CNTN5: variants seen among roughly 807,000 people sequenced by gnomAD.
CNTN5 encodes the protein contactin-5.
A neutral mutation model predicts 129.1 loss-of-function variants in CNTN5; 77 were observed. The ratio of observed to expected loss-of-function variants is 0.60; its 90% CI spans 0.50 to 0.72. CNTN5 has a LOEUF of 0.72. Among genes scored for constraint, CNTN5 ranks in the 30% least tolerant of loss-of-function variants. The pLI is 0.00. For missense variants in CNTN5, 1,478 were observed against 1,328.8 expected, an observed-to-expected ratio of 1.11 and a Z score of -1.75; for synonymous variants, 509 against 465.6, an observed-to-expected ratio of 1.09 and a Z score of -1.20.
intron 2 of CNTN5, among the ~76,000 whole-genome samples, chr11:99,441,444 C>T (rs905642061): frequency 6.6e-6 from 1 of 152,136 alleles, no homozygotes; most frequent in Non-Finnish European, 1.5e-5. Flanking sequence ...AACACCCCCA[C>T]GTTAATATAC....
intron 1 of CNTN5, among the ~76,000 whole-genome samples, chr11:99,173,897 A>G (rs1033848550): frequency 1.1e-4 from 16 of 152,188 alleles, no homozygotes; most frequent in African/African-American, 3.4e-4. Flanking sequence ...TGGTGGCTCT[A>G]TAATTTTTTG....
intron 6 of CNTN5, among the ~76,000 whole-genome samples, chr11:99,868,347 G>T (rs950998590): frequency 1.4e-4 from 21 of 152,084 alleles, no homozygotes; most frequent in Non-Finnish European, 3.1e-4. Flanking sequence ...TTGAAAATTT[G>T]TTGTATGCCA....
chr11:99,344,402 CTTGTTACTAA>C (rs1304103606), intron 2 of CNTN5, among the ~76,000 whole-genome samples: 1 of 152,132 alleles, frequency 6.6e-6, no homozygotes, highest in Non-Finnish European at 1.5e-5. Context: ...TCAGAAAACT[CTTGTTACTAA>C]TCACACATTG....
intron 3 of CNTN5, among the ~76,000 whole-genome samples, chr11:99,792,445 T>C (rs1945778607): frequency 6.6e-6 from 1 of 151,890 alleles, no homozygotes; most frequent in Non-Finnish European, 1.5e-5. Context: ...GTGGGCTAGG[T>C]TTTTGATGTG....
At chr11:99,612,832 C>G (rs995367826) in intron 3 of CNTN5, among the ~76,000 whole-genome samples, 10 of 152,176 alleles carry the variant, frequency 6.6e-5, no homozygotes, top group African/African-American at 2.4e-4. Context: ...AGACAAAATT[C>G]TGGCCTTGGA....
chr11:99,830,558 A>G (rs547070450), intron 4 of CNTN5, among the ~76,000 whole-genome samples: 1 of 152,234 alleles, frequency 6.6e-6, no homozygotes, highest in African/African-American at 2.4e-5. Context: ...ACAAAATGTG[A>G]TCTTTTATGA....
intron 6 of CNTN5, among the ~76,000 whole-genome samples, chr11:99,860,280 C>CT (rs749621509): frequency 4.6e-4 from 70 of 150,650 alleles, no homozygotes; most frequent in Admixed American, 1.3e-3. Context: ...TTGACAGTTT[C>CT]TTTTTTTTTG....
intron 1 of CNTN5, among the ~76,000 whole-genome samples, chr11:99,229,692 C>A (rs1190604004): frequency 6.6e-6 from 1 of 152,020 alleles, no homozygotes; most frequent in East Asian, 1.9e-4. Flanking sequence ...GGCCTTCCCC[C>A]AGAGGCACCT....
intron 8 of CNTN5, among the ~76,000 whole-genome samples, chr11:99,999,006 C>A (rs1395085072): frequency 6.6e-6 from 1 of 152,014 alleles, no homozygotes; most frequent in East Asian, 1.9e-4. Flanking sequence ...AAAATTAATT[C>A]AAGATGGAAT....
At chr11:99,502,415 G>T (rs1486722892) in intron 2 of CNTN5, among the ~76,000 whole-genome samples, 1 of 152,058 alleles carries the variant, frequency 6.6e-6, no homozygotes, top group Non-Finnish European at 1.5e-5. Flanking sequence ...GAATCACGGG[G>T]GTTGGGGGGG....
chr11:99,547,571 T>G lies in CNTN5; in HGVS notation c.-70-8574T>G, dbSNP rs75543082. The stretch of plus-strand genomic sequence containing the variant: ...ATTTAAGATGGATATGAATTCATTT[T>G]CAGAATAATTTATTTTCCAGCAGTT... On this transcript the variant is annotated intron_variant, in intron 2 of 24. Coordinates refer to ENST00000524871, the MANE Select transcript of CNTN5 (RefSeq NM_014361.4). Among the ~76,000 whole-genome samples, 753 of 152,326 alleles carry G rather than the reference T, an allele frequency of 4.9e-3. 42 individuals are homozygous for G. The East Asian group carries it at 0.12, about 23-fold the overall frequency.
At chr11:99,329,516 C>T (rs1865917787) in intron 2 of CNTN5, among the ~76,000 whole-genome samples, 1 of 152,152 alleles carries the variant, frequency 6.6e-6, no homozygotes, top group South Asian at 2.1e-4. Flanking sequence ...GTCACCTGAA[C>T]ACCTCAAGGC....
At chr11:99,752,740 TA>T (rs911185930) in intron 3 of CNTN5, among the ~76,000 whole-genome samples, 10 of 152,298 alleles carry the variant, frequency 6.6e-5, no homozygotes, top group Middle Eastern at 3.4e-3. Context: ...CATGGTATTA[TA>T]AAACAATTGC....
At chr11:99,528,902 A>T (rs910149269) in intron 2 of CNTN5, among the ~76,000 whole-genome samples, 2 of 23,790 alleles carry the variant, frequency 8.4e-5, no homozygotes, top group Non-Finnish European at 6.3e-4. Context: ...CGTTTCTACT[A>T]AAAAAAAAAA....
intron 1 of CNTN5, among the ~76,000 whole-genome samples, chr11:99,025,515 C>T (rs531307640): frequency 1.2e-4 from 18 of 151,696 alleles, no homozygotes; most frequent in African/African-American, 3.9e-4. Flanking sequence ...CAGTAGTAAA[C>T]GTAGCATATG....
chr11:99,971,558 AAACAAACAAAC>A (rs973080245), intron 8 of CNTN5, among the ~76,000 whole-genome samples: 2 of 151,390 alleles, frequency 1.3e-5, no homozygotes, highest in African/African-American at 4.9e-5. Context: ...TAAAAACAAA[AAACAAACAAAC>A]AAAAAACTCT....
chr11:100,284,684 G>C (rs915198104), intron 18 of CNTN5, among the ~76,000 whole-genome samples: 6 of 152,140 alleles, frequency 3.9e-5, no homozygotes, highest in African/African-American at 1.4e-4. Context: ...ATGAAAGGGA[G>C]AAAAGATATA....
chr11:99,714,150 A>G (rs1955120492), intron 3 of CNTN5, among the ~76,000 whole-genome samples: 1 of 151,882 alleles, frequency 6.6e-6, no homozygotes, highest in Non-Finnish European at 1.5e-5. Context: ...TAATATTATC[A>G]AGTAAATATA....
At chr11:99,458,153 A>G (rs543252650) in intron 2 of CNTN5, among the ~76,000 whole-genome samples, 2 of 152,126 alleles carry the variant, frequency 1.3e-5, no homozygotes, top group East Asian at 3.9e-4. Flanking sequence ...AGCTAATTTC[A>G]GTACCATGGA....
Sources: gnomAD v4.1 joint callset for allele counts (sites outside exome capture counted in the v4.1 genomes callset) on GRCh38, gnomAD v4.1.1 for gene constraint, MANE v1.5 for transcripts, NCBI Gene and HGNC (gene_info 2026-07-23, HGNC 2026-07-21) for gene names.